RHOBTB3: variants seen among roughly 807,000 people sequenced by gnomAD.
RHOBTB3 encodes the protein rho-related BTB domain-containing protein 3.
In RHOBTB3, 47 loss-of-function variants were observed where a neutral mutation model predicts 67.2. The observed-to-expected ratio is 0.70, with a 90% CI of 0.55 to 0.89. The LOEUF is 0.89. Among genes scored for constraint, RHOBTB3 ranks in the 40% least tolerant of loss-of-function variants. The pLI, the probability that RHOBTB3 is intolerant of heterozygous loss-of-function variation, is 0.00. For missense variants in RHOBTB3, 631 were observed against 750.0 expected (o/e 0.84, Z 1.85); for synonymous variants, 273 against 274.2 (o/e 1.00, Z 0.04).
At chr5:95,752,898 G>A (rs745701645) in intron 5 of RHOBTB3, among the ~76,000 whole-genome samples, 2 of 152,072 alleles carry the variant, frequency 1.3e-5, no homozygotes, top group Non-Finnish European at 2.9e-5. Context: ...TTGGGAGGCC[G>A]AGGTGGGAGG....
At chr5:95,737,940 C>T (rs1755492569) in intron 3 of RHOBTB3, among the ~76,000 whole-genome samples, 1 of 152,120 alleles carries the variant, frequency 6.6e-6, no homozygotes, top group Non-Finnish European at 1.5e-5. Flanking sequence ...ATTAGTTTTA[C>T]CTATTTCTGA....
In RHOBTB3 at chr5:95,731,625, C is replaced by T. The variant is rs1755254322; in HGVS notation, c.-58C>T. ...GTGAACTCGCCGCCCGGGGGCCCCG[C>T]GAAGCCGTGAGCCGCTGCTTTTCTC... On this transcript the variant is annotated 5_prime_UTR_variant, in exon 1 of 12. Coordinates refer to ENST00000379982, the MANE Select transcript of RHOBTB3 (RefSeq NM_014899.4). 4 of 1,608,454 alleles carry T rather than the reference C, an allele frequency of 2.5e-6. No individual in the cohort carries two copies. The highest frequency in any genetic ancestry group is 1.7e-5 in the Admixed American group (1 of 59,494).
At chr5:95,738,780 T>G (rs940592621) in intron 3 of RHOBTB3, among the ~76,000 whole-genome samples, 2 of 152,046 alleles carry the variant, frequency 1.3e-5, no homozygotes, top group Admixed American at 1.3e-4. Context: ...AAGACACCAC[T>G]TATGTCCTCG....
chr5:95,747,708 T>C (rs1284162046), intron 3 of RHOBTB3, among the ~76,000 whole-genome samples: 1 of 152,262 alleles, frequency 6.6e-6, no homozygotes, highest in Non-Finnish European at 1.5e-5. Context: ...TTTAATTTTT[T>C]AATCTTAAAG....
intron 6 of RHOBTB3, 179 bp downstream of exon 6, chr5:95,755,940 T>C: frequency 1.7e-6 from 1 of 587,894 alleles, no homozygotes; most frequent in Non-Finnish European, 2.9e-6. Context: ...GCTTTCTGTT[T>C]TCCTTACAAA....
At chr5:95,746,784 A>G (rs933382132) in intron 3 of RHOBTB3, among the ~76,000 whole-genome samples, 1 of 152,234 alleles carries the variant, frequency 6.6e-6, no homozygotes, top group African/African-American at 2.4e-5. Flanking sequence ...CTTCCTCTGC[A>G]AAATGAGAAT....
upstream of RHOBTB3, among the ~76,000 whole-genome samples, chr5:95,729,171 T>C (rs549912429): frequency 4.6e-5 from 7 of 152,366 alleles, no homozygotes; most frequent in East Asian, 1.3e-3. Context: ...ATTTTATTCC[T>C]TTACTTTCTT....
At position 95,768,209 on chromosome 5, in the gene RHOBTB3, C is replaced by A. The variant is rs56068445; in HGVS notation, c.1282+43C>A. ...CAAAGTTTATGATTCATTTTTATTT[C>A]TTGTTTTCTTTCCTTGCTTTCTACT... is the stretch of plus-strand genomic sequence containing the variant. On this transcript the variant is annotated intron_variant, in intron 8 of 11. Coordinates refer to ENST00000379982, the MANE Select transcript of RHOBTB3 (RefSeq NM_014899.4). The A allele has an allele frequency of 7.1e-3, 11,086 of 1,564,280 alleles. 77 individuals carry two copies. The highest frequency in any genetic ancestry group is 0.032 in the African/African-American group (2,349 of 72,856).
At chr5:95,775,016 ATGATGGTAGAGCAGAGATTTGCACTT>A (rs1745825595) in intron 8 of RHOBTB3, among the ~76,000 whole-genome samples, 1 of 152,178 alleles carries the variant, frequency 6.6e-6, no homozygotes, top group Non-Finnish European at 1.5e-5. Flanking sequence ...TACTTGCCAC[ATGATGGTAGAGCAGAGATTTGCACTT>A]TAACTCAAAG....
intron 11 of RHOBTB3, among the ~76,000 whole-genome samples, chr5:95,792,653 G>A (rs1166369763): frequency 1.3e-5 from 2 of 151,502 alleles, no homozygotes; most frequent in Middle Eastern, 3.2e-3. Context: ...TTAGCTGGGC[G>A]TGGTGTCACA....
chr5:95,732,447 A>T (rs1244189024), intron 2 of RHOBTB3: 1 of 451,546 alleles, frequency 2.2e-6, no homozygotes, highest in African/African-American at 2.0e-5. Context: ...CCTATGGGTG[A>T]TAGTGTAATA....
At chr5:95,780,033 T>C in intron 8 of RHOBTB3, 1 of 469,450 alleles carries the variant, frequency 2.1e-6, no homozygotes, top group Non-Finnish European at 3.8e-6. Context: ...TTGTCTTGAC[T>C]TGCAAATTGT....
Position 95,731,475 on chromosome 5 carries a change from G to C in RHOBTB3, c.-208G>C. On this transcript the variant is annotated 5_prime_UTR_variant, in exon 1 of 12. Coordinates refer to ENST00000379982, the MANE Select transcript of RHOBTB3 (RefSeq NM_014899.4). ...CCTGAGTAGCGGCAGCTTATCCCCC[G>C]CCCGCTAGCCCGCCCTGGTCCCCGG... 1.6e-6 allele frequency: 2 copies of C among 1,221,784 alleles called. No homozygotes were observed. Among genetic ancestry groups the C allele is most frequent in the Non-Finnish European group, 2.0e-6 (2 of 984,604 alleles). 75.7% of individuals were successfully genotyped at this position (1,221,784 alleles called of 1,614,324 possible). A position where few individuals can be genotyped will look rare whatever the true frequency, so the allele number is the denominator to read the frequency against.
chr5:95,732,180 T>A lies in RHOBTB3; in HGVS notation c.228+96T>A, dbSNP rs778270674. On this transcript the variant is annotated intron_variant, in intron 2 of 11. Coordinates refer to ENST00000379982, the MANE Select transcript of RHOBTB3 (RefSeq NM_014899.4). ...TCTGCCCACTTCCGTGAGTGTGGAGTGTCCGCGTTACATGGGTCAAATTTT... is the reference window on the plus strand; with the variant it reads ...TCTGCCCACTTCCGTGAGTGTGGAGAGTCCGCGTTACATGGGTCAAATTTT... 4.1e-5 allele frequency: 46 copies of A among 1,130,654 alleles called. No individual in the cohort carries two copies. The Middle Eastern group carries it at 4.4e-3, about 109-fold the overall frequency. The allele number at this position is 1,130,654 out of a possible 1,614,324, so 70.0% of individuals were successfully genotyped here.
At chr5:95,728,796 A>G (rs967382730), upstream of RHOBTB3, among the ~76,000 whole-genome samples, 9 of 152,218 alleles carry the variant, frequency 5.9e-5, no homozygotes, top group Non-Finnish European at 7.3e-5. Context: ...CACAGGATAC[A>G]GGTCACAAAG....
At chr5:95,739,613 T>G (rs574676802) in intron 3 of RHOBTB3, among the ~76,000 whole-genome samples, 5 of 152,312 alleles carry the variant, frequency 3.3e-5, no homozygotes, top group Admixed American at 3.3e-4. Context: ...TGCAGTGGCA[T>G]GATCATAGCT....
chr5:95,781,567 T>C (rs1746046977), intron 9 of RHOBTB3: 1 of 152,282 alleles, frequency 6.6e-6, no homozygotes, highest in South Asian at 2.1e-4. Context: ...AAAGACTGAC[T>C]TACGGCCAGG....
At chr5:95,753,387 CTGTT>C (rs749326367) in intron 5 of RHOBTB3, among the ~76,000 whole-genome samples, 2 of 152,020 alleles carry the variant, frequency 1.3e-5, no homozygotes, top group African/African-American at 4.8e-5. Context: ...ACTTTTTTGA[CTGTT>C]TGAAAATATT....
At position 95,783,925 on chromosome 5, in the gene RHOBTB3, A is replaced by G. The variant is rs766280501; in HGVS notation, c.1585A>G (p.Met529Val). 6.2e-7 allele frequency: 1 copy of G among 1,613,958 alleles called. No homozygotes were observed. Among genetic ancestry groups the G allele is most frequent in the Non-Finnish European group, 8.5e-7 (1 of 1,179,840 alleles). Residue 529 changes from methionine to valine, a missense_variant, in exon 10 of 12, where the codon ATG (methionine) becomes GTG (valine). Transcript: ENST00000379982. ...CATGCCAAGCAGGGAACTGGCATCC[A>G]TGAACCTTGATATAGTTGACCTGCT... is the stretch of plus-strand genomic sequence containing the variant. The part of the protein sequence containing the change: ...QSMPSRELAS[M>V]NLDIVDLLKK...
Sources: allele counts gnomAD v4.1 joint callset (sites outside exome capture counted in the v4.1 genomes callset), GRCh38; gene constraint gnomAD v4.1.1; transcripts MANE v1.5; gene names NCBI Gene and HGNC (gene_info 2026-07-23, HGNC 2026-07-21).